Variants in RUBCN observed in about 807,000 individuals in gnomAD.
RUBCN encodes run domain Beclin-1-interacting and cysteine-rich domain-containing protein.
In RUBCN, 74 loss-of-function variants were observed where a neutral mutation model predicts 113.2. That is an observed-to-expected ratio of 0.65 (90% CI 0.54 to 0.79). The LOEUF (loss-of-function observed/expected upper bound fraction) is 0.79. Ranked by LOEUF, RUBCN falls within the 30% of genes least tolerant of loss-of-function variation. RUBCN has a pLI of 0.00. For missense variants in RUBCN, 1,109 were observed against 1,251.7 expected (o/e 0.89, Z 1.72); for synonymous variants, 480 against 490.0 (o/e 0.98, Z 0.27).
At chr3:197,687,166 A>G (rs1456421162) in intron 11 of RUBCN, among the ~76,000 whole-genome samples, 1 of 152,202 alleles carries the variant, frequency 6.6e-6, no homozygotes, top group Non-Finnish European at 1.5e-5. Flanking sequence ...ATAAGGTGAT[A>G]CCCAACGTAT....
intron 1 of RUBCN, among the ~76,000 whole-genome samples, chr3:197,718,943 C>A (rs913827084): frequency 6.6e-6 from 1 of 152,162 alleles, no homozygotes. Context: ...ATGATTATAC[C>A]GTAAGAAACG....
At chr3:197,737,464 A>G (rs140532463), upstream of RUBCN, among the ~76,000 whole-genome samples, 248 of 151,830 alleles carry the variant, frequency 1.6e-3, no homozygotes, top group South Asian at 2.5e-3. Flanking sequence ...AGTACGGGTT[A>G]GCCAGGAGAA....
Position 197,673,116 on chromosome 3 carries a change from G to A in RUBCN, c.*1902C>T, listed in dbSNP as rs1031328471. On this transcript the variant is annotated 3_prime_UTR_variant, in exon 20 of 20. Transcript: ENST00000296343. Reference sequence around the variant, plus strand: ...GGGTCATTCTTAAAGCTCCCTGAAGGACCTGGGCACTTCTAGTCACAGCCC... The same window carrying A: ...GGGTCATTCTTAAAGCTCCCTGAAGAACCTGGGCACTTCTAGTCACAGCCC... 6 of 152,212 alleles carry A rather than the reference G, an allele frequency of 3.9e-5. No homozygotes were observed. The highest frequency in any genetic ancestry group is 3.9e-4 in the Admixed American group (6 of 15,278). 9.4% of individuals were successfully genotyped at this position (152,212 alleles called of 1,614,324 possible). A position where few individuals can be genotyped will look rare whatever the true frequency, so the allele number is the denominator to read the frequency against.
In RUBCN at chr3:197,701,761, G is replaced by A. The variant is rs1283530495; in HGVS notation, c.674C>T (p.Ser225Phe). The A allele has an allele frequency of 1.2e-6, 2 of 1,614,148 alleles. No homozygotes were observed. The highest frequency in any genetic ancestry group is 1.7e-6 in the Non-Finnish European group (2 of 1,179,970). ...YTPPNSYAQH[S>F]YFGSFSSLHQ... is the part of the protein sequence containing the mutation. The stretch of plus-strand genomic sequence containing the variant: ...GAGGCTAGAGAAGGACCCAAAGTAG[G>A]AATGCTGAGCATAGCTGTTTGGAGG... The change falls in exon 6 of 20, where the codon TCC (serine) becomes TTC (phenylalanine). Residue 225 changes from serine to phenylalanine, a missense_variant. This residue lies in a region of RUBCN where 736 missense variants were observed against 779.6 expected (regional missense o/e 0.94). Coordinates refer to ENST00000296343, the MANE Select transcript of RUBCN (RefSeq NM_014687.4).
chr3:197,694,074 A>G (rs1722723928), intron 10 of RUBCN: 1 of 550,628 alleles, frequency 1.8e-6, no homozygotes, highest in Admixed American at 2.7e-5. Flanking sequence ...ATATATATTT[A>G]GAGCTGGGGT....
chr3:197,672,564 G>A lies in RUBCN; in HGVS notation c.*2454C>T, dbSNP rs1719894495. 6.6e-6 allele frequency: 1 copy of A among 152,276 alleles called. No homozygotes were observed. The highest frequency in any genetic ancestry group is 1.5e-5 in the Non-Finnish European group (1 of 68,068). The allele number at this position is 152,276 out of a possible 1,614,324, so 9.4% of individuals were successfully genotyped here. On this transcript the variant is annotated 3_prime_UTR_variant, in exon 20 of 20. Coordinates refer to ENST00000296343, the MANE Select transcript of RUBCN (RefSeq NM_014687.4). ...AATAAGTGACAAGTGAGGAGCCTAT[G>A]AGACTGTTGAGTTCGGCTTCAGAAG...
chr3:197,680,351 C>T (rs866055028), intron 16 of RUBCN, among the ~76,000 whole-genome samples: 7 of 142,558 alleles, frequency 4.9e-5, no homozygotes, highest in Non-Finnish European at 1.1e-4. Context: ...GACTGTCCTA[C>T]GCTCTAACTG....
At chr3:197,690,994 T>C (rs962382329) in intron 11 of RUBCN, 58 of 734,602 alleles carry the variant, frequency 7.9e-5, no homozygotes, top group Non-Finnish European at 1.1e-4. Flanking sequence ...AGTTATCACA[T>C]GATTAAGTAT....
rs1399481494 is a variant in RUBCN at position 197,669,344 on chromosome 3, T to C, written c.*5674A>G. Among the ~76,000 whole-genome samples the C allele has an allele frequency of 1.3e-5, 2 of 152,210 alleles. No individual in the cohort carries two copies. Among genetic ancestry groups the C allele is most frequent in the Non-Finnish European group, 2.9e-5 (2 of 68,026 alleles). On this transcript the variant is annotated 3_prime_UTR_variant, in exon 20 of 20. Coordinates refer to ENST00000296343, the MANE Select transcript of RUBCN (RefSeq NM_014687.4). ...ATGGCATTCAGTCATCGTATCTGCT[T>C]AGTCTCCTCTCGTCCGTGACGGCAT...
At chr3:197,688,192 A>G (rs1320357974) in intron 11 of RUBCN, among the ~76,000 whole-genome samples, 2 of 152,000 alleles carry the variant, frequency 1.3e-5, no homozygotes, top group Admixed American at 6.6e-5. Context: ...ACACCCGACT[A>G]ATTTTTATAT....
At chr3:197,707,066 G>A (rs892235965) in intron 2 of RUBCN, among the ~76,000 whole-genome samples, 4 of 143,758 alleles carry the variant, frequency 2.8e-5, no homozygotes, top group South Asian at 2.1e-4. Context: ...AATTGTGGCC[G>A]GGCGCGGTGG....
At chr3:197,743,226 G>C (rs958440719) in intron 1 of RUBCN, among the ~76,000 whole-genome samples, 3 of 152,042 alleles carry the variant, frequency 2.0e-5, no homozygotes, top group Admixed American at 1.3e-4. Flanking sequence ...AGTATCCCCA[G>C]CCTCTAGCAC....
rs764319328 is a variant in RUBCN at position 197,697,046 on chromosome 3, G to C, written c.1265C>G (p.Ser422Cys). The C allele has an allele frequency of 2.6e-6, 4 of 1,552,878 alleles. No homozygotes were observed. The South Asian group carries it at 4.5e-5, about 17-fold the overall frequency. ...TSIASRGAPE[S>C]CNDKAKLRGP... ...TCTCAACTTCGCCTTATCATTGCAGGATTCTAATGACGATGACCACCAGCG... is the reference window on the plus strand; with the variant it reads ...TCTCAACTTCGCCTTATCATTGCAGCATTCTAATGACGATGACCACCAGCG... Residue 422 changes from serine (S) to cysteine (C), a missense_variant, in exon 8 of 20, where the codon TCC becomes TGC. Coordinates refer to ENST00000296343, the MANE Select transcript of RUBCN (RefSeq NM_014687.4).
At position 197,681,216 on chromosome 3, in the gene RUBCN, G is replaced by A. The variant is rs951051063; in HGVS notation, c.2343C>T (p.Leu781=). 3 of 1,614,148 alleles carry A rather than the reference G, an allele frequency of 1.9e-6. No individual in the cohort carries two copies. Among genetic ancestry groups the A allele is most frequent in the Non-Finnish European group, 2.5e-6 (3 of 1,179,998 alleles). Residue 781 remains leucine, a synonymous_variant, in exon 16 of 20, where the codon CTC becomes CTT. Transcript: ENST00000296343. The surrounding 1 kb of genome is among the most constrained non-coding windows in gnomAD (Gnocchi z 5.5). Reference sequence around the variant, plus strand: ...AGAGAGGATCATTCCAGATCTTAATGAGCAGGTCCTTGGAGAAGTTGCTGA... The same window carrying A: ...AGAGAGGATCATTCCAGATCTTAATAAGCAGGTCCTTGGAGAAGTTGCTGA... The part of the protein sequence containing the change: ...YYVSNFSKDL[L]IKIWNDPLFN...
At position 197,703,640 on chromosome 3, in the gene RUBCN, G is replaced by C; in HGVS notation, c.478C>G (p.Leu160Val). 6.2e-7 allele frequency: 1 copy of C among 1,613,132 alleles called. No individual in the cohort carries two copies. Among genetic ancestry groups the C allele is most frequent in the Non-Finnish European group, 8.5e-7 (1 of 1,179,288 alleles). The change falls in exon 5 of 20, where the codon CTA (leucine) becomes GTA (valine). Residue 160 changes from leucine to valine, a missense_variant. By Grantham distance (32) the Leu-to-Val change is conservative (BLOSUM62 1). Around this residue, in one of 3 missense-constraint regions of RUBCN, gnomAD observed 736 missense variants for 779.6 expected, o/e 0.94. Transcript: ENST00000296343. ...RKFYTDAAFL[L>V]SDAHVTAMLQ... is the part of the protein sequence containing the mutation. Reference sequence around the variant, plus strand: ...ATGGCCGTGACATGAGCGTCACTTAGCAGGAAGGCAGCATCTGGGGAGAGA... The same window carrying C: ...ATGGCCGTGACATGAGCGTCACTTACCAGGAAGGCAGCATCTGGGGAGAGA...
chr3:197,699,044 G>A (rs1041770134), intron 7 of RUBCN: 17 of 695,448 alleles, frequency 2.4e-5, no homozygotes, highest in Admixed American at 1.9e-4. Flanking sequence ...TGAAATACTG[G>A]TATCATTTTA....
At chr3:197,709,404 G>A (rs906136770) in intron 2 of RUBCN, among the ~76,000 whole-genome samples, 4 of 151,858 alleles carry the variant, frequency 2.6e-5, no homozygotes, top group Non-Finnish European at 5.9e-5. Flanking sequence ...TCTTTGAGAC[G>A]GAGTTTCTCT....
rs1307686061 is a variant in RUBCN at position 197,672,063 on chromosome 3, T to C, written c.*2955A>G. 2 of 152,208 alleles carry C rather than the reference T, an allele frequency of 1.3e-5. No individual in the cohort carries two copies. Among genetic ancestry groups the C allele is most frequent in the Non-Finnish European group, 2.9e-5 (2 of 68,038 alleles). The allele number at this position is 152,208 out of a possible 1,614,324, so 9.4% of individuals were successfully genotyped here. ...CAGGCTGCACAAGCACCACAGCAGG[T>C]GGAAACGCAGTTCAGAGCACGGGCG... On this transcript the variant is annotated 3_prime_UTR_variant, in exon 20 of 20. Transcript: ENST00000296343.
Position 197,703,648 on chromosome 3 carries a change from G to C in RUBCN, c.470C>G (p.Ala157Gly). Reference protein sequence around the residue: ...QYIRKFYTDAAFLLSDAHVTA... With the variant: ...QYIRKFYTDAGFLLSDAHVTA... ...GACATGAGCGTCACTTAGCAGGAAG[G>C]CAGCATCTGGGGAGAGAAAAGCTGC... The change falls in exon 5 of 20, where the codon GCC (alanine) becomes GGC (glycine). Residue 157 changes from alanine (A) to glycine (G), a missense_variant. Physicochemically the swap from Ala to Gly is moderately conservative, Grantham distance 60. Coordinates refer to ENST00000296343, the MANE Select transcript of RUBCN (RefSeq NM_014687.4). The C allele has an allele frequency of 6.2e-7, 1 of 1,612,056 alleles. No individual in the cohort carries two copies. Among genetic ancestry groups the C allele is most frequent in the Non-Finnish European group, 8.5e-7 (1 of 1,178,342 alleles).
Sources: gnomAD v4.1 joint callset for allele counts (sites outside exome capture counted in the v4.1 genomes callset) on GRCh38, gnomAD v4.1.1 for gene constraint, gnomAD v4.1.1 regional missense constraint, Gnocchi (gnomAD v3.1) non-coding constraint, MANE v1.5 for transcripts, NCBI Gene and HGNC (gene_info 2026-07-23, HGNC 2026-07-21) for gene names.